Variants in TBC1D19 observed in about 807,000 individuals in gnomAD.
The protein encoded by TBC1D19 is TBC1 domain family, member 19.
TBC1D19 carries 60 observed loss-of-function variants against 89.0 expected under a neutral mutation model. The observed-to-expected ratio is 0.67, with a 90% CI of 0.55 to 0.84. The LOEUF is 0.84. Among genes scored for constraint, TBC1D19 ranks in the 40% least tolerant of loss-of-function variants. The pLI is 0.00. For missense variants in TBC1D19, 500 were observed against 610.8 expected (o/e 0.82, Z 1.91); for synonymous variants, 189 against 199.7 (o/e 0.95, Z 0.45).
At chr4:26,649,564 T>A (rs1231168279) in intron 7 of TBC1D19, among the ~76,000 whole-genome samples, 4 of 152,194 alleles carry the variant, frequency 2.6e-5, no homozygotes, top group Admixed American at 2.6e-4. Context: ...CTACTTTTTG[T>A]CTCTATGAAT....
chr4:26,692,177 A>G (rs1714349016), intron 13 of TBC1D19, among the ~76,000 whole-genome samples: 1 of 152,150 alleles, frequency 6.6e-6, no homozygotes, highest in Non-Finnish European at 1.5e-5. Flanking sequence ...ATTTCCCTCC[A>G]GCTTCTAGTT....
At chr4:26,753,672 G>A in intron 19 of TBC1D19, 148 bp from the exon 20 acceptor site, 1 of 684,628 alleles carries the variant, frequency 1.5e-6, no homozygotes, top group Non-Finnish European at 2.5e-6. Flanking sequence ...TTCATCACAA[G>A]ACCTTAATTC....
At chr4:26,630,219 C>G (rs929456859) in intron 4 of TBC1D19, among the ~76,000 whole-genome samples, 1 of 151,684 alleles carries the variant, frequency 6.6e-6, no homozygotes, top group Non-Finnish European at 1.5e-5. Context: ...TTATGAAACT[C>G]CTGAAATCCT....
At chr4:26,700,095 CAG>C (rs1715191463) in intron 13 of TBC1D19, among the ~76,000 whole-genome samples, 1 of 151,032 alleles carries the variant, frequency 6.6e-6, no homozygotes, top group African/African-American at 2.4e-5. Flanking sequence ...AAATAACAAA[CAG>C]AGCCTCAGGG....
chr4:26,777,750 C>T, the TBC1D19 span, among the ~76,000 whole-genome samples: 1 of 152,098 alleles, frequency 6.6e-6, no homozygotes, highest in Non-Finnish European at 1.5e-5. Context: ...CTCTTGGCCT[C>T]TTACCCCCAT....
intron 13 of TBC1D19, among the ~76,000 whole-genome samples, chr4:26,704,722 G>T (rs902524827): frequency 6.6e-6 from 1 of 152,036 alleles, no homozygotes; most frequent in Non-Finnish European, 1.5e-5. Flanking sequence ...TAAATTCTAT[G>T]CAAATATAGA....
At chr4:26,829,344 A>G in the TBC1D19 span, among the ~76,000 whole-genome samples, 1 of 152,206 alleles carries the variant, frequency 6.6e-6, no homozygotes, top group East Asian at 1.9e-4. Context: ...ACAAAAACAC[A>G]TTTCAGATTT....
intron 9 of TBC1D19, among the ~76,000 whole-genome samples, chr4:26,667,450 T>G (rs141449113): frequency 6.6e-6 from 1 of 152,254 alleles, no homozygotes; most frequent in Non-Finnish European, 1.5e-5. Flanking sequence ...AATAGAAGCA[T>G]ACAGTGTGTC....
intron 8 of TBC1D19, among the ~76,000 whole-genome samples, chr4:26,661,215 A>G (rs1414059037): frequency 1.3e-5 from 2 of 152,192 alleles, no homozygotes; most frequent in African/African-American, 2.4e-5. Context: ...GAGGCCTCAG[A>G]CATAGAGCAG....
At chr4:26,595,995 C>T (rs913238703) in intron 1 of TBC1D19, among the ~76,000 whole-genome samples, 11 of 151,736 alleles carry the variant, frequency 7.2e-5, no homozygotes, top group South Asian at 2.1e-4. Context: ...GTCACTTTGT[C>T]GCCCGGGCTG....
the TBC1D19 span, among the ~76,000 whole-genome samples, chr4:26,804,409 G>A: frequency 6.6e-6 from 1 of 152,214 alleles, no homozygotes; most frequent in Admixed American, 6.5e-5. Context: ...GCCTCCCAAA[G>A]TGCTGGGATT....
At position 26,716,814 on chromosome 4, in the gene TBC1D19, CT is replaced by C. The variant is rs34046523; in HGVS notation, c.955-1109del. On this transcript the variant is annotated intron_variant, in intron 13 of 20. Coordinates refer to ENST00000264866, the MANE Select transcript of TBC1D19 (RefSeq NM_018317.4). ...GTATTTCTTTATTTTTAAAATTAAT[CT>C]TTTTTTTTTAAACAGAGATGAGGTT... Among the ~76,000 whole-genome samples the C allele has an allele frequency of 1.2e-3, 183 of 149,150 alleles. 6 individuals are homozygous for C. The South Asian group carries it at 0.035, about 29-fold the overall frequency.
Position 26,650,956 on chromosome 4 carries a change from C to T in TBC1D19, c.481-8641C>T, listed in dbSNP as rs577883692. ...TATGGTTAGCCAGTTTTCCCAGCAC[C>T]ATTTATTAAATAGGGAATCCTTTCC... is the stretch of plus-strand genomic sequence containing the variant. On this transcript the variant is annotated intron_variant, in intron 7 of 20. Transcript: ENST00000264866. 1.6e-4 allele frequency among the ~76,000 whole-genome samples: 24 copies of T among 152,250 alleles called. No homozygotes were observed. In the South Asian group the frequency reaches 4.8e-3, roughly 30 times the overall value.
intron 15 of TBC1D19, among the ~76,000 whole-genome samples, chr4:26,731,996 C>CG (rs1717692028): frequency 6.6e-6 from 1 of 151,900 alleles, no homozygotes; most frequent in Non-Finnish European, 1.5e-5. Context: ...AAGTAGGGTC[C>CG]GGGAAAAAAA....
chr4:26,740,124 A>C (rs1413628492), intron 17 of TBC1D19, 151 bp downstream of exon 17: 2 of 437,916 alleles, frequency 4.6e-6, no homozygotes, highest in East Asian at 7.2e-5. Context: ...AATGACAGAG[A>C]AGATGAAATT....
intron 19 of TBC1D19, among the ~76,000 whole-genome samples, chr4:26,751,365 A>C (rs1718949393): frequency 6.6e-6 from 1 of 152,202 alleles, no homozygotes; most frequent in Admixed American, 6.5e-5. Context: ...TTCAGCAACT[A>C]TGTTCAATTA....
At position 26,643,973 on chromosome 4, in the gene TBC1D19, A is replaced by T. The variant is rs140132520; in HGVS notation, c.480+3786A>T. Among the ~76,000 whole-genome samples the T allele has an allele frequency of 5.6e-3, 859 of 152,326 alleles. 8 individuals are homozygous for T. The highest frequency in any genetic ancestry group is 0.02 in the African/African-American group (821 of 41,564). On this transcript the variant is annotated intron_variant, in intron 7 of 20. Coordinates refer to ENST00000264866, the MANE Select transcript of TBC1D19 (RefSeq NM_018317.4). ...AAGAAGTCTATGACGAGATGGATTC[A>T]CAGCCGAATTCTACCAGAGGTACAA...
chr4:26,710,309 G>T (rs1032286466), intron 13 of TBC1D19, among the ~76,000 whole-genome samples: 2 of 151,968 alleles, frequency 1.3e-5, no homozygotes, highest in Non-Finnish European at 2.9e-5. Context: ...GTGATAGTTT[G>T]CTGAGAATGA....
intron 1 of TBC1D19, among the ~76,000 whole-genome samples, chr4:26,604,148 CTTTTTTT>C (rs1173641270): frequency 0.014 from 1,685 of 120,706 alleles, 28 homozygotes; most frequent in African/African-American, 0.058. Flanking sequence ...TTTTCTTTTT[CTTTTTTT>C]TTTTTTTTTT....
Sources: gnomAD v4.1 joint callset for allele counts (sites outside exome capture counted in the v4.1 genomes callset) on GRCh38, gnomAD v4.1.1 for gene constraint, MANE v1.5 for transcripts, NCBI Gene and HGNC (gene_info 2026-07-23, HGNC 2026-07-21) for gene names.